AGO3: variants seen among roughly 807,000 people sequenced by gnomAD.
AGO3 encodes the protein protein argonaute-3.
A neutral mutation model predicts 105.5 loss-of-function variants in AGO3; 16 were observed. The ratio of observed to expected loss-of-function variants is 0.15; its 90% CI spans 0.10 to 0.23. The LOEUF (loss-of-function observed/expected upper bound fraction) is 0.23, where lower values mean the gene tolerates loss of function less well. Among genes scored for constraint, AGO3 ranks in the 10% least tolerant of loss-of-function variants. The pLI, the probability that AGO3 is intolerant of heterozygous loss-of-function variation, is 1.00. For synonymous variants in AGO3, 340 were observed against 367.3 expected (o/e 0.93, Z 0.85); for missense variants, 534 against 1,088.0 (o/e 0.49, Z 7.16).
chr1:35,947,233 C>T (rs1179747155), intron 2 of AGO3, among the ~76,000 whole-genome samples: 1 of 151,856 alleles, frequency 6.6e-6, no homozygotes, highest in Non-Finnish European at 1.5e-5. Flanking sequence ...ATGTTAATTA[C>T]AACATTCCTA....
chr1:36,009,585 T>G lies in AGO3; in HGVS notation c.1140T>G (p.Ile380Met). 1 of 1,610,944 alleles carries G rather than the reference T, an allele frequency of 6.2e-7. No homozygotes were observed. Among genetic ancestry groups the G allele is most frequent in the African/African-American group, 1.3e-5 (1 of 74,754 alleles). Residue 380 changes from isoleucine (I) to methionine (M), a missense_variant, in exon 9 of 19, where the codon ATT becomes ATG. Physicochemically the swap from Ile to Met is conservative, Grantham distance 10. Transcript: ENST00000373191. ...ARSAPDRQEE[I>M]SRLVRSANYE... ...CTGCACCAGATAGACAAGAGGAAAT[T>G]AGCAGATTGGTTAGTACTTAACCTT...
At chr1:36,003,608 C>T (rs1021692639) in intron 5 of AGO3, among the ~76,000 whole-genome samples, 4 of 147,644 alleles carry the variant, frequency 2.7e-5, no homozygotes, top group Non-Finnish European at 5.9e-5. Context: ...GCAGGAGAAT[C>T]GCTTGAACCC....
At chr1:35,945,591 C>G in intron 1 of AGO3, 101 bp from the exon 2 acceptor site, 1 of 1,156,976 alleles carries the variant, frequency 8.6e-7, no homozygotes, top group Non-Finnish European at 1.2e-6. Context: ...TAGGTTTTAG[C>G]CATTATCAGC....
At chr1:36,029,294 T>TA (rs1435880021) in intron 12 of AGO3, among the ~76,000 whole-genome samples, 1 of 151,636 alleles carries the variant, frequency 6.6e-6, no homozygotes, top group Non-Finnish European at 1.5e-5. Flanking sequence ...CTGAACGGGG[T>TA]AAAATCATGT....
At chr1:35,936,334 GGCAT>G (rs1646145428) in intron 1 of AGO3, among the ~76,000 whole-genome samples, 1 of 152,040 alleles carries the variant, frequency 6.6e-6, no homozygotes, top group African/African-American at 2.4e-5. Flanking sequence ...TTAAAATGTG[GGCAT>G]TTTGTGGTTT....
At chr1:35,978,376 G>A (rs1478942342) in intron 5 of AGO3, among the ~76,000 whole-genome samples, 1 of 152,116 alleles carries the variant, frequency 6.6e-6, no homozygotes, top group Non-Finnish European at 1.5e-5. Context: ...ATTTTTAGTA[G>A]AGATGGGGTT....
intron 5 of AGO3, among the ~76,000 whole-genome samples, chr1:35,995,697 C>A (rs774405435): frequency 1.3e-5 from 2 of 152,104 alleles, no homozygotes; most frequent in African/African-American, 2.4e-5. Context: ...TTTCTTCTTT[C>A]GAGACAGGAT....
chr1:35,996,633 T>C (rs896975100), intron 5 of AGO3, among the ~76,000 whole-genome samples: 1 of 151,846 alleles, frequency 6.6e-6, no homozygotes, highest in African/African-American at 2.4e-5. Flanking sequence ...TAGGCAGGTG[T>C]GGTGGTGGTC....
intron 12 of AGO3, among the ~76,000 whole-genome samples, chr1:36,032,188 C>T (rs1641811015): frequency 6.6e-6 from 1 of 152,100 alleles, no homozygotes; most frequent in Non-Finnish European, 1.5e-5. Context: ...CACAGGAGTT[C>T]CAGTTTCTCC....
At position 36,059,204 on chromosome 1, in the gene AGO3, T is replaced by C. The variant is rs967418240; in HGVS notation, c.*3459T>C. On this transcript the variant is annotated 3_prime_UTR_variant, in exon 19 of 19. Coordinates refer to ENST00000373191, the MANE Select transcript of AGO3 (RefSeq NM_024852.4). ...ACTAGTCAGCATTGCTAGTTTAAAG[T>C]TGATTAACTTGAAAGAGTATGTATA... The C allele has an allele frequency of 6.6e-6, 1 of 152,140 alleles. No homozygotes were observed. The highest frequency in any genetic ancestry group is 1.5e-5 in the Non-Finnish European group (1 of 68,004). The allele number at this position is 152,140 out of a possible 1,614,324, so 9.4% of individuals were successfully genotyped here.
At chr1:36,002,052 C>A (rs1231117012) in intron 5 of AGO3, among the ~76,000 whole-genome samples, 2 of 152,150 alleles carry the variant, frequency 1.3e-5, no homozygotes, top group Non-Finnish European at 2.9e-5. Flanking sequence ...AAATGTCTTG[C>A]TCTGTCACCC....
intron 11 of AGO3, among the ~76,000 whole-genome samples, chr1:36,021,552 G>A (rs771936786): frequency 5.3e-5 from 8 of 152,100 alleles, no homozygotes; most frequent in South Asian, 4.1e-4. Flanking sequence ...GTAATTTTAC[G>A]TATAAAATAA....
intron 5 of AGO3, among the ~76,000 whole-genome samples, chr1:35,974,098 T>C (rs1646915599): frequency 6.6e-6 from 1 of 152,200 alleles, no homozygotes; most frequent in Non-Finnish European, 1.5e-5. Context: ...AGCATGTTAT[T>C]TTATCCCTAT....
rs1557719488 is a variant in AGO3, at chr1:36,056,163, AAATT to A, written c.*422_*425del. ...GATTTTTCAGAATTATGTGTGCAAA[AAATT>A]AATGTGCATTCATATATTCTTGTAA... On this transcript the variant is annotated 3_prime_UTR_variant, in exon 19 of 19. Transcript: ENST00000373191. 1 of 158,242 alleles carries A rather than the reference AAATT, an allele frequency of 6.3e-6. No individual in the cohort carries two copies. Among genetic ancestry groups the A allele is most frequent in the Non-Finnish European group, 1.4e-5 (1 of 71,430 alleles). The allele number at this position is 158,242 out of a possible 1,614,324, so 9.8% of individuals were successfully genotyped here. A position where few individuals can be genotyped will look rare whatever the true frequency, so the allele number is the denominator to read the frequency against.
chr1:35,984,029 T>C (rs746935228), intron 5 of AGO3, among the ~76,000 whole-genome samples: 1 of 152,090 alleles, frequency 6.6e-6, no homozygotes, highest in Non-Finnish European at 1.5e-5. Context: ...GAATAGTATT[T>C]AGATTGAAAC....
At chr1:35,965,340 C>A (rs645864) in intron 2 of AGO3, among the ~76,000 whole-genome samples, 35,631 of 151,150 alleles carry the variant, frequency 0.24, 6,951 homozygotes, top group East Asian at 0.69. Flanking sequence ...AAATACAAAA[C>A]TTAGCTGGAC....
intron 17 of AGO3, among the ~76,000 whole-genome samples, chr1:36,050,875 G>A (rs903750162): frequency 6.6e-6 from 1 of 151,646 alleles, no homozygotes; most frequent in Non-Finnish European, 1.5e-5. Flanking sequence ...TTGAGACAGG[G>A]TCTCACTCTG....
At chr1:36,024,810 A>C (rs114343589) in intron 11 of AGO3, among the ~76,000 whole-genome samples, 72 of 152,232 alleles carry the variant, frequency 4.7e-4, no homozygotes, top group African/African-American at 1.6e-3. Context: ...GACATTTCAT[A>C]TCTTTCACCA....
At chr1:35,970,443 CCTT>C (rs1021531360) in intron 3 of AGO3, among the ~76,000 whole-genome samples, 8 of 152,242 alleles carry the variant, frequency 5.3e-5, no homozygotes, top group South Asian at 2.1e-4. Flanking sequence ...CATCACCACT[CCTT>C]CTCATTTGCT....
Sources: gnomAD v4.1 joint callset for allele counts (sites outside exome capture counted in the v4.1 genomes callset) on GRCh38, gnomAD v4.1.1 for gene constraint, MANE v1.5 for transcripts, NCBI Gene and HGNC (gene_info 2026-07-23, HGNC 2026-07-21) for gene names.